SCHIP1: variants seen among roughly 807,000 people sequenced by gnomAD.
SCHIP1 encodes the protein schwannomin-interacting protein 1.
SCHIP1 carries 8 observed loss-of-function variants against 29.7 expected under a neutral mutation model. The ratio of observed to expected loss-of-function variants is 0.27; its 90% CI spans 0.16 to 0.49. The LOEUF is 0.49. Ranked by LOEUF, SCHIP1 falls within the 20% of genes least tolerant of loss-of-function variation. The pLI is 0.99. For synonymous variants in SCHIP1, 76 were observed against 94.9 expected (o/e 0.80, Z 1.16); for missense variants, 193 against 294.6 (o/e 0.66, Z 2.52).
At chr3:159,654,322 C>T in the SCHIP1 span, among the ~76,000 whole-genome samples, 3 of 152,180 alleles carry the variant, frequency 2.0e-5, no homozygotes, top group Non-Finnish European at 4.4e-5. Flanking sequence ...TTTCCCAACT[C>T]TCTATCAGAT....
At chr3:159,412,457 A>G in the SCHIP1 span, among the ~76,000 whole-genome samples, 1 of 152,232 alleles carries the variant, frequency 6.6e-6, no homozygotes, top group Non-Finnish European at 1.5e-5. Context: ...CTGACATGAT[A>G]CATACACAGC....
the SCHIP1 span, among the ~76,000 whole-genome samples, chr3:159,544,051 C>T: frequency 1.3e-5 from 2 of 152,068 alleles, no homozygotes; most frequent in African/African-American, 2.4e-5. Flanking sequence ...TCTACCAGGT[C>T]ACTTCCCAGT....
the SCHIP1 span, among the ~76,000 whole-genome samples, chr3:159,386,209 C>T: frequency 6.6e-6 from 1 of 152,124 alleles, no homozygotes; most frequent in East Asian, 1.9e-4. Flanking sequence ...GGGTATATAC[C>T]AAGTAATGGG....
At chr3:159,622,925 T>TA in the SCHIP1 span, among the ~76,000 whole-genome samples, 1 of 151,606 alleles carries the variant, frequency 6.6e-6, no homozygotes, top group African/African-American at 2.4e-5. Context: ...CTCAAAAAAA[T>TA]AAAAAGAAAA....
the SCHIP1 span, among the ~76,000 whole-genome samples, chr3:159,637,421 A>ACCCC: frequency 4.4e-5 from 6 of 136,596 alleles, no homozygotes; most frequent in African/African-American, 1.4e-4. Context: ...ACACACACAC[A>ACCCC]CCTGACTCTT....
At chr3:159,477,843 T>G in the SCHIP1 span, among the ~76,000 whole-genome samples, 1 of 151,996 alleles carries the variant, frequency 6.6e-6, no homozygotes, top group Admixed American at 6.6e-5. Context: ...ATTCAAAAAA[T>G]TATTGCCTAG....
chr3:159,851,094 T>G (rs1712568415), intron 1 of SCHIP1, among the ~76,000 whole-genome samples: 1 of 151,962 alleles, frequency 6.6e-6, no homozygotes, highest in Non-Finnish European at 1.5e-5. Context: ...GGCAACATAG[T>G]GAGATCCCAT....
chr3:159,687,298 A>G, the SCHIP1 span, among the ~76,000 whole-genome samples: 1 of 151,980 alleles, frequency 6.6e-6, no homozygotes, highest in Non-Finnish European at 1.5e-5. Flanking sequence ...CCAAAATAGG[A>G]AAAAAGAGCT....
At chr3:159,325,584 CTA>C in the SCHIP1 span, among the ~76,000 whole-genome samples, 3 of 152,072 alleles carry the variant, frequency 2.0e-5, no homozygotes, top group African/African-American at 7.2e-5. Flanking sequence ...TCATCTCCAT[CTA>C]TGTGTTTGTA....
At chr3:159,279,897 T>G in the SCHIP1 span, among the ~76,000 whole-genome samples, 1 of 152,096 alleles carries the variant, frequency 6.6e-6, no homozygotes, top group Non-Finnish European at 1.5e-5. Flanking sequence ...GTACATTGGA[T>G]GCAATGGTTA....
At chr3:159,667,018 G>A in the SCHIP1 span, among the ~76,000 whole-genome samples, 1 of 152,242 alleles carries the variant, frequency 6.6e-6, no homozygotes, top group Non-Finnish European at 1.5e-5. Flanking sequence ...TGATCTGCCT[G>A]TGAGAGTGCA....
the SCHIP1 span, among the ~76,000 whole-genome samples, chr3:159,494,776 G>T: frequency 3.2e-4 from 48 of 152,106 alleles, no homozygotes; most frequent in Admixed American, 8.5e-4. Flanking sequence ...CATCCTGATA[G>T]CAAAGCCTGG....
chr3:159,887,410 G>A (rs993010080), intron 3 of SCHIP1: 11 of 318,036 alleles, frequency 3.5e-5, no homozygotes, highest in Non-Finnish European at 4.1e-5. Flanking sequence ...TCAATATTTT[G>A]TTATGTCTGT....
intron 1 of SCHIP1, among the ~76,000 whole-genome samples, chr3:159,860,285 GAC>G (rs1713900195): frequency 6.6e-6 from 1 of 152,154 alleles, no homozygotes; most frequent in African/African-American, 2.4e-5. Context: ...CAGTGTAAAA[GAC>G]AGAGAAAGAG....
the SCHIP1 span, among the ~76,000 whole-genome samples, chr3:159,510,976 C>G: frequency 6.6e-6 from 1 of 152,200 alleles, no homozygotes; most frequent in Non-Finnish European, 1.5e-5. Flanking sequence ...GCTGGGAGAA[C>G]CACTACTCTC....
chr3:159,741,745 A>G, the SCHIP1 span, among the ~76,000 whole-genome samples: 2 of 152,248 alleles, frequency 1.3e-5, no homozygotes, highest in South Asian at 4.1e-4. Context: ...GGTGCTGAGA[A>G]CAAGGGTGGA....
the SCHIP1 span, among the ~76,000 whole-genome samples, chr3:159,801,940 T>C: frequency 2.0e-5 from 3 of 152,158 alleles, no homozygotes; most frequent in Admixed American, 2.0e-4. Flanking sequence ...CAATTAATAA[T>C]ATCACTATTG....
chr3:159,508,851 G>A, the SCHIP1 span, among the ~76,000 whole-genome samples: 9 of 152,132 alleles, frequency 5.9e-5, no homozygotes, highest in African/African-American at 1.9e-4. Context: ...TATAATTTCT[G>A]TTCTTTTACA....
the SCHIP1 span, among the ~76,000 whole-genome samples, chr3:159,813,368 A>G: frequency 1.3e-5 from 2 of 152,212 alleles, no homozygotes; most frequent in Non-Finnish European, 2.9e-5. Flanking sequence ...TTGTAATTGT[A>G]TACGTCCATA....
Sources: gnomAD v4.1 joint callset for allele counts (sites outside exome capture counted in the v4.1 genomes callset) on GRCh38, gnomAD v4.1.1 for gene constraint, MANE v1.5 for transcripts, NCBI Gene and HGNC (gene_info 2026-07-23, HGNC 2026-07-21) for gene names.